Variants in ENTREP1 observed in about 807,000 individuals in gnomAD.
ENTREP1 encodes the protein endosomal transmembrane epsin interactor 1.
chr9:69,390,474 G>A, the ENTREP1 span, among the ~76,000 whole-genome samples: 1 of 152,176 alleles, frequency 6.6e-6, no homozygotes, highest in Admixed American at 6.5e-5. Context: ...TTTTTACAGA[G>A]TAAGTGATAT....
the ENTREP1 span, among the ~76,000 whole-genome samples, chr9:69,327,344 C>T: frequency 6.6e-6 from 1 of 152,146 alleles, no homozygotes; most frequent in Non-Finnish European, 1.5e-5. Flanking sequence ...GTTATGCCAC[C>T]TATTCTGTTT....
chr9:69,331,027 G>T, the ENTREP1 span, among the ~76,000 whole-genome samples: 11 of 106,838 alleles, frequency 1.0e-4, no homozygotes, highest in African/African-American at 3.7e-4. Context: ...ATATTCAGTT[G>T]CCCACTTTCT....
chr9:69,383,844 G>A, the ENTREP1 span: 57 of 1,587,044 alleles, frequency 3.6e-5, no homozygotes, highest in African/African-American at 5.4e-5. Context: ...CCAGAGAACA[G>A]CAGGGAGACC....
the ENTREP1 span, chr9:69,385,990 T>G: frequency 3.2e-6 from 5 of 1,547,342 alleles, no homozygotes; most frequent in Non-Finnish European, 4.4e-6. Context: ...GTGTGCTTAT[T>G]TGCCTAAAGG....
At chr9:69,332,258 C>T in the ENTREP1 span, among the ~76,000 whole-genome samples, 18 of 152,200 alleles carry the variant, frequency 1.2e-4, no homozygotes, top group Admixed American at 2.6e-4. Flanking sequence ...AGGTGTGTGC[C>T]TTTGTTGCGG....
the ENTREP1 span, among the ~76,000 whole-genome samples, chr9:69,357,182 G>C: frequency 3.3e-5 from 5 of 152,056 alleles, no homozygotes; most frequent in Non-Finnish European, 5.9e-5. Flanking sequence ...AGGGACCCGG[G>C]ATAGGGCAGA....
the ENTREP1 span, among the ~76,000 whole-genome samples, chr9:69,376,320 G>A: frequency 5.3e-5 from 8 of 152,206 alleles, no homozygotes; most frequent in South Asian, 2.1e-4. Context: ...TCTGCAACAC[G>A]TAGACTAAGG....
chr9:69,340,741 GTGTGTT>G, the ENTREP1 span, among the ~76,000 whole-genome samples: 2 of 136,584 alleles, frequency 1.5e-5, no homozygotes, highest in African/African-American at 2.9e-5. Context: ...GTGTATGTGT[GTGTGTT>G]TGTGTGTGTG....
chr9:69,345,289 G>C, the ENTREP1 span, among the ~76,000 whole-genome samples: 1 of 152,174 alleles, frequency 6.6e-6, no homozygotes, highest in Non-Finnish European at 1.5e-5. Flanking sequence ...AGAAAATAAT[G>C]ATCTCTAAAT....
At chr9:69,349,119 G>T in the ENTREP1 span, among the ~76,000 whole-genome samples, 2 of 147,092 alleles carry the variant, frequency 1.4e-5, no homozygotes, top group South Asian at 2.1e-4. Context: ...AGGAGGTGGA[G>T]GTTGCAGTGA....
chr9:69,387,996 G>A, the ENTREP1 span: 1 of 1,447,852 alleles, frequency 6.9e-7, no homozygotes. Flanking sequence ...ATAACCTTGT[G>A]TTGTTTTCCC....
the ENTREP1 span, chr9:69,377,247 A>G: frequency 2.8e-6 from 2 of 704,218 alleles, no homozygotes; most frequent in East Asian, 5.4e-5. Flanking sequence ...AGTCCTTTAC[A>G]TGCATCCTCT....
At chr9:69,374,537 G>C in the ENTREP1 span, among the ~76,000 whole-genome samples, 1 of 152,158 alleles carries the variant, frequency 6.6e-6, no homozygotes, top group Admixed American at 6.5e-5. Flanking sequence ...CACCAGCAAA[G>C]AGAGTTTCTC....
the ENTREP1 span, chr9:69,324,628 G>A: frequency 1.0e-6 from 1 of 985,320 alleles, no homozygotes; most frequent in Non-Finnish European, 1.2e-6. Context: ...GCGCCGATGC[G>A]AGGTAGGCAC....
At chr9:69,383,645 T>A in the ENTREP1 span, 2 of 1,614,126 alleles carry the variant, frequency 1.2e-6, no homozygotes, top group African/African-American at 2.7e-5. Flanking sequence ...TTGGTCCTGA[T>A]GTTATTCCCC....
the ENTREP1 span, among the ~76,000 whole-genome samples, chr9:69,347,803 G>A: frequency 1.3e-5 from 2 of 152,122 alleles, no homozygotes; most frequent in Non-Finnish European, 2.9e-5. Context: ...ACCTCCCTAA[G>A]CTCTGCTTGT....
At chr9:69,350,015 T>C in the ENTREP1 span, among the ~76,000 whole-genome samples, 1 of 152,214 alleles carries the variant, frequency 6.6e-6, no homozygotes, top group African/African-American at 2.4e-5. Context: ...TGCAAACATT[T>C]TCTTTGATTC....
the ENTREP1 span, among the ~76,000 whole-genome samples, chr9:69,367,890 T>TATATACACAC: frequency 6.9e-6 from 1 of 144,956 alleles, no homozygotes; most frequent in Non-Finnish European, 1.5e-5. Flanking sequence ...TATACACATA[T>TATATACACAC]ATATATACAT....
At chr9:69,375,614 G>A in the ENTREP1 span, 2 of 741,470 alleles carry the variant, frequency 2.7e-6, no homozygotes, top group African/African-American at 3.5e-5. Context: ...CTGACTGATA[G>A]AGGCATTGCC....
Sources: allele counts gnomAD v4.1 joint callset (sites outside exome capture counted in the v4.1 genomes callset), GRCh38; gene constraint gnomAD v4.1.1; transcripts MANE v1.5; gene names NCBI Gene and HGNC (gene_info 2026-07-23, HGNC 2026-07-21).